ARFGAP1: variants seen among roughly 807,000 people sequenced by gnomAD.
The protein encoded by ARFGAP1 is ARF GTPase activating protein 1, also known as ADP-ribosylation factor GTPase-activating protein 1.
Under a neutral mutation model 54.0 loss-of-function variants are expected in ARFGAP1, and 26 were observed. The ratio of observed to expected loss-of-function variants is 0.48; its 90% CI spans 0.35 to 0.67. ARFGAP1 has a LOEUF of 0.67. ARFGAP1 is among the 30% of genes least tolerant of loss of function. The probability of loss-of-function intolerance (pLI) is 0.00; values close to 1 mark genes in which losing one functional copy is unlikely to be tolerated. For synonymous variants in ARFGAP1, 248 were observed against 211.9 expected, an observed-to-expected ratio of 1.17 and a Z score of -1.48; for missense variants, 525 against 535.8, an observed-to-expected ratio of 0.98 and a Z score of 0.20.
chr20:63,285,627 T>G (rs2067513098), intron 10 of ARFGAP1, 27 bp from the exon 11 acceptor site: 1 of 1,611,180 alleles, frequency 6.2e-7, no homozygotes, highest in African/African-American at 1.3e-5. Context: ...CCCGCCCCCA[T>G]TAATGCCGCT....
chr20:63,285,538 G>A (rs2067509506), intron 10 of ARFGAP1, 116 bp from the exon 11 acceptor site: 5 of 1,074,364 alleles, frequency 4.7e-6, no homozygotes, highest in African/African-American at 1.6e-5. Flanking sequence ...AGCCTGATGG[G>A]TATCCACATG....
chr20:63,281,228 C>T (rs750561446), intron 7 of ARFGAP1, 63 bp from the exon 8 acceptor site: 175 of 1,516,066 alleles, frequency 1.2e-4, no homozygotes, highest in Non-Finnish European at 1.5e-4. Flanking sequence ...CTGAGATACT[C>T]TGCTCAGCGC....
chr20:63,287,412 A>G (rs2067586953), intron 12 of ARFGAP1, 152 bp from the exon 13 acceptor site: 3 of 643,338 alleles, frequency 4.7e-6, no homozygotes, highest in Non-Finnish European at 7.4e-6. Context: ...GAAGCGGGAG[A>G]AACAGATCCC....
chr20:63,283,146 G>C (rs575658389), intron 9 of ARFGAP1: 26 of 485,090 alleles, frequency 5.4e-5, no homozygotes, highest in Non-Finnish European at 9.7e-5. Context: ...GGACTGCCCG[G>C]CTTGGCAGAT....
Position 63,276,124 on chromosome 20 carries a change from T to G in ARFGAP1, c.94T>G (p.Trp32Gly). The G allele has an allele frequency of 6.2e-7, 1 of 1,614,072 alleles. No individual in the cohort carries two copies. The highest frequency in any genetic ancestry group is 1.1e-5 in the South Asian group (1 of 91,086). ...TGAGTGTGGCGCGTTCAATCCTCAG[T>G]GGGTCAGTGTGACCTACGGCATCTG... The part of the protein sequence containing the change: ...CFECGAFNPQ[W>G]VSVTYGIWIC... The change falls in exon 3 of 13, where the codon TGG becomes GGG. Residue 32 changes from tryptophan to glycine, a missense_variant. Physicochemically the swap from Trp to Gly is radical, Grantham distance 184. Coordinates refer to ENST00000370283, the MANE Select transcript of ARFGAP1 (RefSeq NM_018209.4). This position sits in a 1 kb window ranked among gnomAD's most constrained non-coding sequence, Gnocchi z 5.2.
At chr20:63,275,493 G>C in intron 1 of ARFGAP1, 84 bp from the exon 2 acceptor site, 1 of 1,324,674 alleles carries the variant, frequency 7.5e-7, no homozygotes, top group African/African-American at 1.5e-5. Context: ...TTTCTGTTGT[G>C]TGGTGTTTTT....
intron 11 of ARFGAP1, 144 bp downstream of exon 11, chr20:63,285,857 C>G: frequency 1.0e-5 from 15 of 1,442,176 alleles, no homozygotes; most frequent in Non-Finnish European, 1.4e-5. Flanking sequence ...AGGAGAGCTG[C>G]CCAGCCTGAC....
At chr20:63,282,286 A>G (rs1454182296) in intron 8 of ARFGAP1, among the ~76,000 whole-genome samples, 1 of 152,188 alleles carries the variant, frequency 6.6e-6, no homozygotes, top group East Asian at 1.9e-4. Context: ...TCTCGTCTGC[A>G]CGGGAGGGCT....
At chr20:63,274,698 C>T (rs963345071) in intron 1 of ARFGAP1, among the ~76,000 whole-genome samples, 3 of 152,094 alleles carry the variant, frequency 2.0e-5, no homozygotes, top group Non-Finnish European at 4.4e-5. Flanking sequence ...TGCTCGGTGG[C>T]GTGGTGTGCA....
At chr20:63,282,990 G>T (rs1200747263) in intron 9 of ARFGAP1, 139 bp downstream of exon 9, 1 of 936,280 alleles carries the variant, frequency 1.1e-6, no homozygotes, top group Admixed American at 2.0e-5. Flanking sequence ...GTAGAAGGGG[G>T]TGTTCCTGCC....
rs953020876 is a variant in ARFGAP1, at chr20:63,288,889, G to A, written c.*1016G>A. On this transcript the variant is annotated 3_prime_UTR_variant, in exon 13 of 13. Coordinates refer to ENST00000370283, the MANE Select transcript of ARFGAP1 (RefSeq NM_018209.4). ...CATGCATGCGCCCGAAGCTCGTGCAGTTTGTACGTGAGGTGCTCTCCTCCC... is the reference window on the plus strand; with the variant it reads ...CATGCATGCGCCCGAAGCTCGTGCAATTTGTACGTGAGGTGCTCTCCTCCC... 3.0e-5 allele frequency: 8 copies of A among 269,778 alleles called. No homozygotes were observed. The Admixed American group carries it at 3.2e-4, about 11-fold the overall frequency. 16.7% of individuals were successfully genotyped at this position (269,778 alleles called of 1,614,324 possible).
rs3787136 is a variant in ARFGAP1, at chr20:63,283,683, G to A, written c.717+832G>A. Among the ~76,000 whole-genome samples the A allele has an allele frequency of 2.9e-4, 44 of 152,312 alleles. 1 individual carries two copies. In the East Asian group the frequency reaches 8.1e-3, roughly 28 times the overall value. ...GCTCGCGCAGTTTCTGAAGGTGGTG[G>A]TCAGTTCCAGGGCAGGGAGCGGCTG... On this transcript the variant is annotated intron_variant, in intron 9 of 12. Coordinates refer to ENST00000370283, the MANE Select transcript of ARFGAP1 (RefSeq NM_018209.4).
Position 63,276,501 on chromosome 20 carries a change from G to A in ARFGAP1, c.192G>A (p.Met64Ile). The change falls in exon 4 of 13, where the codon ATG becomes ATA. Residue 64 changes from methionine (M) to isoleucine (I), a missense_variant. Transcript: ENST00000370283. This position sits in a 1 kb window ranked among gnomAD's most constrained non-coding sequence, Gnocchi z 5.2. ...CCAGCTTTGTGCGCTCTGTTACTAT[G>A]GACAAGTGGAAGGACATTGAGCTTG... ...VHLSFVRSVT[M>I]DKWKDIELEK... The A allele has an allele frequency of 1.2e-6, 2 of 1,613,276 alleles. No individual in the cohort carries two copies. Among genetic ancestry groups the A allele is most frequent in the Non-Finnish European group, 1.7e-6 (2 of 1,179,582 alleles).
chr20:63,282,100 C>CA (rs1568737694), intron 8 of ARFGAP1, among the ~76,000 whole-genome samples: 1 of 151,876 alleles, frequency 6.6e-6, no homozygotes, highest in African/African-American at 2.4e-5. Flanking sequence ...CTTCCCCCGT[C>CA]ACAGCGCGCA....
In ARFGAP1 at chr20:63,276,338, A is replaced by G. The variant is rs2067237445; in HGVS notation, c.170+138A>G. On this transcript the variant is annotated intron_variant, in intron 3 of 12. Coordinates refer to ENST00000370283, the MANE Select transcript of ARFGAP1 (RefSeq NM_018209.4). This position sits in a 1 kb window ranked among gnomAD's most constrained non-coding sequence, Gnocchi z 5.2. ...TGCCAGTGTCCACTCTAGTGACGCC[A>G]TGGCACAGAGTTCCAGCTGCTGGCC... The G allele has an allele frequency of 7.3e-7, 1 of 1,370,922 alleles. No homozygotes were observed. Among genetic ancestry groups the G allele is most frequent in the Non-Finnish European group, 1.0e-6 (1 of 986,676 alleles). 84.9% of individuals were successfully genotyped at this position (1,370,922 alleles called of 1,614,324 possible).
intron 9 of ARFGAP1, chr20:63,284,394 G>T (rs1338484975): frequency 5.9e-5 from 63 of 1,069,808 alleles, no homozygotes; most frequent in Non-Finnish European, 7.2e-5. Flanking sequence ...CACTGACCCA[G>T]GATCAGGAGA....
Position 63,288,414 on chromosome 20 carries a change from G to C in ARFGAP1, c.*541G>C, listed in dbSNP as rs530431029. ...GACCACCCTCGGCTCCCGAGTCCACGCCTGCCTGGGCCTGTGCTGTCAGAC... is the reference window on the plus strand; with the variant it reads ...GACCACCCTCGGCTCCCGAGTCCACCCCTGCCTGGGCCTGTGCTGTCAGAC... On this transcript the variant is annotated 3_prime_UTR_variant, in exon 13 of 13. Coordinates refer to ENST00000370283, the MANE Select transcript of ARFGAP1 (RefSeq NM_018209.4). 2.2e-6 allele frequency: 1 copy of C among 456,068 alleles called. No homozygotes were observed. Among genetic ancestry groups the C allele is most frequent in the Non-Finnish European group, 4.4e-6 (1 of 226,868 alleles). The allele number at this position is 456,068 out of a possible 1,614,324, so 28.3% of individuals were successfully genotyped here. A position where few individuals can be genotyped will look rare whatever the true frequency, so the allele number is the denominator to read the frequency against.
At chr20:63,274,761 C>T (rs992649945) in intron 1 of ARFGAP1, among the ~76,000 whole-genome samples, 25 of 152,148 alleles carry the variant, frequency 1.6e-4, no homozygotes, top group African/African-American at 4.8e-4. Context: ...CCCCTTCCTC[C>T]GGCTTTGAAT....
chr20:63,285,804 C>T (rs2123310434), intron 11 of ARFGAP1, 91 bp downstream of exon 11: 1 of 1,543,020 alleles, frequency 6.5e-7, no homozygotes, highest in African/African-American at 1.4e-5. Context: ...CCCCGTGCAG[C>T]CCTCAGCCCA....
Sources: allele counts gnomAD v4.1 joint callset (sites outside exome capture counted in the v4.1 genomes callset), GRCh38; gene constraint gnomAD v4.1.1; non-coding constraint Gnocchi (gnomAD v3.1); transcripts MANE v1.5; gene names NCBI Gene and HGNC (gene_info 2026-07-23, HGNC 2026-07-21).